DACH2: variants seen among roughly 807,000 people sequenced by gnomAD.
DACH2 encodes the protein dachshund family transcription factor 2, also known as dachshund homolog 2.
In DACH2, 17 loss-of-function variants were observed where a neutral mutation model predicts 35.8. The observed-to-expected ratio is 0.48, with a 90% confidence interval of 0.33 to 0.71. DACH2 has a LOEUF of 0.71. Among genes scored for constraint, DACH2 ranks in the 30% least tolerant of loss-of-function variants. The pLI, the probability that DACH2 is intolerant of heterozygous loss-of-function variation, is 0.02. For synonymous variants in DACH2, 195 were observed against 177.3 expected, an observed-to-expected ratio of 1.10 and a Z score of -0.79; for missense variants, 469 against 472.7, an observed-to-expected ratio of 0.99 and a Z score of 0.07.
chrX:86,215,415 A>G (rs750387897), intron 1 of DACH2, among the ~76,000 whole-genome samples: 17 of 111,978 alleles, frequency 1.5e-4, no homozygotes, highest in African/African-American at 5.2e-4. Context: ...TGTTTTAGCC[A>G]TAGCTCGTCA....
chrX:86,410,731 T>C (rs1414924254), intron 2 of DACH2, among the ~76,000 whole-genome samples: 1 of 110,159 alleles, frequency 9.1e-6, no homozygotes, highest in African/African-American at 3.3e-5. Context: ...ACTTGAAATT[T>C]GTTGTCTCAA....
rs770109129 is a variant in DACH2 at position 86,759,817 on chromosome X, G to A, written c.1240+19935G>A. 2.7e-5 allele frequency among the ~76,000 whole-genome samples: 3 copies of A among 111,381 alleles called. No homozygotes were observed. The South Asian group carries it at 1.1e-3, about 42-fold the overall frequency. ...ACTAGCTCTACCAGTGTATTTTGTAGTTTTGTGTGTTTTCATAATGGTAGA... is the reference window on the plus strand; with the variant it reads ...ACTAGCTCTACCAGTGTATTTTGTAATTTTGTGTGTTTTCATAATGGTAGA... On this transcript the variant is annotated intron_variant, in intron 7 of 11. Coordinates refer to ENST00000373125, the MANE Select transcript of DACH2 (RefSeq NM_053281.3).
At chrX:86,585,390 AATT>A (rs1284508360) in intron 3 of DACH2, among the ~76,000 whole-genome samples, 1 of 111,053 alleles carries the variant, frequency 9.0e-6, no homozygotes, top group Admixed American at 9.6e-5. Flanking sequence ...TTAATTAATT[AATT>A]ATTATCATTT....
intron 6 of DACH2, among the ~76,000 whole-genome samples, chrX:86,719,247 G>A (rs1333186666): frequency 9.0e-6 from 1 of 111,683 alleles, no homozygotes; most frequent in Non-Finnish European, 1.9e-5. Flanking sequence ...TGGGATTGTT[G>A]TCTTTATTTG....
intron 7 of DACH2, among the ~76,000 whole-genome samples, chrX:86,805,991 T>A (rs2042340898): frequency 9.0e-6 from 1 of 111,592 alleles, no homozygotes; most frequent in Non-Finnish European, 1.9e-5. Flanking sequence ...TCTTTGACCT[T>A]CTATATTCCT....
chrX:86,617,295 T>G (rs2040016972), intron 3 of DACH2, among the ~76,000 whole-genome samples: 1 of 111,318 alleles, frequency 9.0e-6, no homozygotes, highest in Admixed American at 9.6e-5. Context: ...ATAGTTTTTT[T>G]TTTCTACTTC....
rs1268449234 is a variant in DACH2, at chrX:86,258,376, CTT to C, written c.488+109271_488+109272del. On this transcript the variant is annotated intron_variant, in intron 1 of 11. Transcript: ENST00000373125. Reference sequence around the variant, plus strand: ...AGTTTTCATTAGTTAAATTTAAAATCTTTTCTTTTCTTTTTTACCCTTTGTAA... The same window carrying C: ...AGTTTTCATTAGTTAAATTTAAAATCTTCTTTTCTTTTTTACCCTTTGTAA... Among the ~76,000 whole-genome samples the C allele has an allele frequency of 7.0e-5, 6 of 85,108 alleles. No individual in the cohort carries two copies. The African/African-American group carries it at 9.0e-4, about 13-fold the overall frequency. 73.9% of individuals were successfully genotyped at this position (85,108 alleles called of 115,157 possible).
intron 4 of DACH2, among the ~76,000 whole-genome samples, chrX:86,682,660 A>G (rs748423668): frequency 9.0e-6 from 1 of 111,696 alleles, no homozygotes; most frequent in Non-Finnish European, 1.9e-5. Flanking sequence ...AATCTCTTTG[A>G]TATCATCAGC....
chrX:86,599,777 T>C (rs1246292375), intron 3 of DACH2, among the ~76,000 whole-genome samples: 1 of 110,706 alleles, frequency 9.0e-6, no homozygotes, highest in Non-Finnish European at 1.9e-5. Flanking sequence ...ATTAGAGACA[T>C]GAGCCACCAT....
chrX:86,243,788 G>A (rs2033220155), intron 1 of DACH2, among the ~76,000 whole-genome samples: 1 of 111,822 alleles, frequency 8.9e-6, no homozygotes, highest in Admixed American at 9.5e-5. Flanking sequence ...TGTTTGTGAA[G>A]TTTAATTTAT....
intron 4 of DACH2, among the ~76,000 whole-genome samples, chrX:86,688,149 C>T (rs754499650): frequency 6.2e-5 from 7 of 112,169 alleles, no homozygotes; most frequent in African/African-American, 1.9e-4. Flanking sequence ...TTTCTTAGAA[C>T]CCTTTGAAGG....
At chrX:86,521,385 T>A (rs956423177) in intron 3 of DACH2, among the ~76,000 whole-genome samples, 3 of 111,809 alleles carry the variant, frequency 2.7e-5, no homozygotes, top group Non-Finnish European at 5.6e-5. Flanking sequence ...GTCTTGGGGA[T>A]GATCTTGTGT....
intron 3 of DACH2, among the ~76,000 whole-genome samples, chrX:86,637,193 A>G (rs1342701853): frequency 2.4e-5 from 2 of 83,735 alleles, no homozygotes; most frequent in Admixed American, 2.8e-4. Context: ...CAGAATGGCT[A>G]TTACTGAAAA....
Position 86,397,436 on chromosome X carries a change from G to C in DACH2, c.527+20574G>C, listed in dbSNP as rs1254531213. ...GAACTTCCAACACTATGGTGAATAG[G>C]AGTGGTGAGAGAGGGCATCCCTGTC... is the stretch of plus-strand genomic sequence containing the variant. On this transcript the variant is annotated intron_variant, in intron 2 of 11. Coordinates refer to ENST00000373125, the MANE Select transcript of DACH2 (RefSeq NM_053281.3). Among the ~76,000 whole-genome samples, 34 of 111,494 alleles carry C rather than the reference G, an allele frequency of 3.0e-4. 1 individual carries two copies. The highest frequency in any genetic ancestry group is 9.6e-5 in the Admixed American group (1 of 10,467).
At chrX:86,667,553 A>AAAGAAAGAAAG (rs2040706409) in intron 4 of DACH2, among the ~76,000 whole-genome samples, 11 of 49,615 alleles carry the variant, frequency 2.2e-4, no homozygotes, top group Admixed American at 4.3e-4. Context: ...AAGAAGAAAG[A>AAAGAAAGAAAG]AAGAAAGAAA....
chrX:86,503,674 C>T (rs1011065649), intron 2 of DACH2, among the ~76,000 whole-genome samples: 1 of 111,664 alleles, frequency 9.0e-6, no homozygotes, highest in Non-Finnish European at 1.9e-5. Flanking sequence ...TGTAAAAAAG[C>T]AGAATCTTAA....
chrX:86,570,612 T>C (rs889284347), intron 3 of DACH2, among the ~76,000 whole-genome samples: 11 of 110,145 alleles, frequency 1.0e-4, no homozygotes, highest in African/African-American at 3.6e-4. Flanking sequence ...GGGAGAGCAT[T>C]AGGAAAAAAA....
At chrX:86,427,666 C>A (rs1251522389) in intron 2 of DACH2, among the ~76,000 whole-genome samples, 1 of 110,860 alleles carries the variant, frequency 9.0e-6, no homozygotes, top group Non-Finnish European at 1.9e-5. Context: ...ATTCTTTTAA[C>A]CAAAGTTTTC....
At chrX:86,455,422 C>A (rs1319844012) in intron 2 of DACH2, among the ~76,000 whole-genome samples, 1 of 111,640 alleles carries the variant, frequency 9.0e-6, no homozygotes, top group East Asian at 2.8e-4. Context: ...GTGACCGTCC[C>A]TCCCCCCGAA....
Sources: gnomAD v4.1 joint callset for allele counts (sites outside exome capture counted in the v4.1 genomes callset) on GRCh38, gnomAD v4.1.1 for gene constraint, MANE v1.5 for transcripts, NCBI Gene and HGNC (gene_info 2026-07-23, HGNC 2026-07-21) for gene names.